Variants in CACNA1B observed in about 807,000 individuals in gnomAD.
CACNA1B encodes the protein voltage-dependent N-type calcium channel subunit alpha-1B.
Under a neutral mutation model 247.2 loss-of-function variants are expected in CACNA1B, and 70 were observed. The ratio of observed to expected loss-of-function variants is 0.28; its 90% CI spans 0.23 to 0.35. The LOEUF (loss-of-function observed/expected upper bound fraction) is 0.35. CACNA1B is among the 10% of genes least tolerant of loss of function. CACNA1B has a pLI of 1.00. For missense variants in CACNA1B, 2,367 were observed against 3,197.4 expected (o/e 0.74, Z 6.26); for synonymous variants, 1,231 against 1,294.4 (o/e 0.95, Z 1.05).
At chr9:138,068,829 C>G (rs938085742) in intron 31 of CACNA1B, among the ~76,000 whole-genome samples, 2 of 152,194 alleles carry the variant, frequency 1.3e-5, no homozygotes, top group Non-Finnish European at 2.9e-5. Flanking sequence ...AGGGAAACCT[C>G]CCCACACCCC....
intron 11 of CACNA1B, among the ~76,000 whole-genome samples, chr9:137,972,639 C>A (rs1322349978): frequency 6.6e-6 from 1 of 152,184 alleles, no homozygotes; most frequent in East Asian, 1.9e-4. Context: ...GTTCCCTGAG[C>A]TGCAGGATCT....
At chr9:138,101,415 A>C (rs558532746) in intron 37 of CACNA1B, among the ~76,000 whole-genome samples, 1 of 152,312 alleles carries the variant, frequency 6.6e-6, no homozygotes, top group East Asian at 1.9e-4. Context: ...GTGCACAGAA[A>C]GCTTTCTGGT....
intron 37 of CACNA1B, among the ~76,000 whole-genome samples, chr9:138,097,018 A>G (rs1961078579): frequency 6.6e-6 from 1 of 151,646 alleles, no homozygotes; most frequent in Non-Finnish European, 1.5e-5. Context: ...CAGCACAGCC[A>G]TAGCGTCCTT....
rs978593379 is a variant in CACNA1B at position 137,907,319 on chromosome 9, A to T, written c.531-5861A>T. On this transcript the variant is annotated intron_variant, in intron 3 of 46. Transcript: ENST00000371372. ...ATTTTTCTGTCTTCTTGTGAAAGGC[A>T]TTTTTATTTTCCTTTCTTACTATTA... 2.6e-5 allele frequency among the ~76,000 whole-genome samples: 4 copies of T among 152,124 alleles called. No homozygotes were observed. The East Asian group carries it at 7.7e-4, about 29-fold the overall frequency.
intron 36 of CACNA1B, among the ~76,000 whole-genome samples, chr9:138,087,384 C>CAAAA (rs58566171): frequency 5.7e-5 from 3 of 52,662 alleles, no homozygotes; most frequent in African/African-American, 1.9e-4. Flanking sequence ...GACTCTGTCT[C>CAAAA]AAAAAAAAAA....
chr9:137,906,231 C>T (rs779079390), intron 3 of CACNA1B, among the ~76,000 whole-genome samples: 44 of 152,180 alleles, frequency 2.9e-4, no homozygotes, highest in Admixed American at 3.3e-4. Flanking sequence ...TGTTAAAATG[C>T]GTTTCTGTCT....
Position 138,052,638 on chromosome 9 carries a change from G to T in CACNA1B, c.3807+450G>T, listed in dbSNP as rs890047135. On this transcript the variant is annotated intron_variant, in intron 25 of 46. Coordinates refer to ENST00000371372, the MANE Select transcript of CACNA1B (RefSeq NM_000718.4). The surrounding 1 kb of genome is among the most constrained non-coding windows in gnomAD (Gnocchi z 5.1). Reference sequence around the variant, plus strand: ...TGTGAGCTTGTGCTAGGCCCTGTGCGAATTGCTTCATGTGCTTCAGCTCAC... The same window carrying T: ...TGTGAGCTTGTGCTAGGCCCTGTGCTAATTGCTTCATGTGCTTCAGCTCAC... Among the ~76,000 whole-genome samples, 6 of 152,348 alleles carry T rather than the reference G, an allele frequency of 3.9e-5. No individual in the cohort carries two copies. In the East Asian group the frequency reaches 1.2e-3, roughly 29 times the overall value.
chr9:138,114,725 C>G (rs1961794717), intron 41 of CACNA1B, among the ~76,000 whole-genome samples: 1 of 152,156 alleles, frequency 6.6e-6, no homozygotes, highest in South Asian at 2.1e-4. Flanking sequence ...AAAGTCAGCA[C>G]TCAGGGCCAG....
intron 21 of CACNA1B, among the ~76,000 whole-genome samples, chr9:138,045,270 C>T (rs926955576): frequency 6.6e-6 from 1 of 152,084 alleles, no homozygotes; most frequent in East Asian, 1.9e-4. Context: ...CCGGAGCACA[C>T]TGAGAAGCGT....
intron 6 of CACNA1B, among the ~76,000 whole-genome samples, chr9:137,935,100 A>C (rs935516622): frequency 9.2e-5 from 14 of 152,160 alleles, no homozygotes; most frequent in Admixed American, 5.9e-4. Flanking sequence ...TGAGGGGATA[A>C]ATTTTCTTTT....
At position 138,121,912 on chromosome 9, in the gene CACNA1B, C is replaced by T. The variant is rs1381794755; in HGVS notation, c.6933C>T (p.Pro2311=). The change falls in exon 47 of 47, where the codon CCC becomes CCT. Residue 2311 remains proline (P), a synonymous_variant. Coordinates refer to ENST00000371372, the MANE Select transcript of CACNA1B (RefSeq NM_000718.4). The surrounding 1 kb of genome is among the most constrained non-coding windows in gnomAD (Gnocchi z 6.8). ...AGTCTCACCCTCTCCGCCGCGTGCC[C>T]AACGGTTACCACTGCACCCTGGGAC... ...TSQSHPLRRV[P]NGYHCTLGLS... is the part of the protein sequence containing the mutation. 1 of 1,611,198 alleles carries T rather than the reference C, an allele frequency of 6.2e-7. No individual in the cohort carries two copies. Among genetic ancestry groups the T allele is most frequent in the East Asian group, 2.2e-5 (1 of 44,870 alleles).
intron 36 of CACNA1B, among the ~76,000 whole-genome samples, chr9:138,084,808 C>A (rs144458823): frequency 4.6e-5 from 7 of 150,680 alleles, no homozygotes; most frequent in Non-Finnish European, 1.0e-4. Context: ...AAAAATTAGC[C>A]GGGCGCGGTG....
Position 137,955,622 on chromosome 9 carries a change from C to T in CACNA1B, c.1071-76C>T. On this transcript the variant is annotated intron_variant, in intron 7 of 46. Coordinates refer to ENST00000371372, the MANE Select transcript of CACNA1B (RefSeq NM_000718.4). The surrounding 1 kb of genome is among the most constrained non-coding windows in gnomAD (Gnocchi z 6.9). ...TCTCCTGTCCCAGGCTTTCCCTGGT[C>T]CTTTTTGTCTCTGGGGCTGCACACC... 1.0e-6 allele frequency: 1 copy of T among 973,838 alleles called. No individual in the cohort carries two copies. Among genetic ancestry groups the T allele is most frequent in the East Asian group, 2.6e-5 (1 of 38,494 alleles). The allele number at this position is 973,838 out of a possible 1,614,324, so 60.3% of individuals were successfully genotyped here.
intron 6 of CACNA1B, among the ~76,000 whole-genome samples, chr9:137,925,064 G>A (rs1376841701): frequency 6.6e-6 from 1 of 152,240 alleles, no homozygotes; most frequent in Non-Finnish European, 1.5e-5. Flanking sequence ...GCATTGCAGT[G>A]TTGGGAGCCC....
chr9:137,988,954 G>A (rs1044326383), intron 15 of CACNA1B, among the ~76,000 whole-genome samples: 3 of 152,218 alleles, frequency 2.0e-5, no homozygotes, highest in African/African-American at 7.2e-5. Context: ...TCTGAATGGG[G>A]TTGGGAGTGG....
intron 6 of CACNA1B, among the ~76,000 whole-genome samples, chr9:137,942,003 C>G (rs1957737618): frequency 6.6e-6 from 1 of 152,158 alleles, no homozygotes; most frequent in Admixed American, 6.5e-5. Flanking sequence ...AATCAAAGAA[C>G]TTTTGCACAG....
At chr9:138,038,496 C>T (rs1589084753) in intron 20 of CACNA1B, among the ~76,000 whole-genome samples, 1 of 152,248 alleles carries the variant, frequency 6.6e-6, no homozygotes, top group South Asian at 2.1e-4. Context: ...AGAGACTTCC[C>T]TTGGACTACA....
Position 137,975,901 on chromosome 9 carries a change from T to C in CACNA1B, c.1544-6T>C, listed in dbSNP as rs1958214451. On this transcript the variant is annotated splice_region_variant and splice_polypyrimidine_tract_variant and intron_variant, in intron 11 of 46. Coordinates refer to ENST00000371372, the MANE Select transcript of CACNA1B (RefSeq NM_000718.4). ...GCTAATCCCCCTCTTCTCCGGCTTC[T>C]CCTAGATTTTGCAGAGTTTGTTTTC... 6 of 1,577,950 alleles carry C rather than the reference T, an allele frequency of 3.8e-6. No individual in the cohort carries two copies. Among genetic ancestry groups the C allele is most frequent in the Non-Finnish European group, 5.2e-6 (6 of 1,147,714 alleles).
chr9:138,015,037 C>T (rs570993221), intron 18 of CACNA1B, among the ~76,000 whole-genome samples: 9 of 152,276 alleles, frequency 5.9e-5, no homozygotes, highest in East Asian at 5.8e-4. Context: ...GATTCCTACG[C>T]GAGGAAAGAG....
Sources: gnomAD v4.1 joint callset for allele counts (sites outside exome capture counted in the v4.1 genomes callset) on GRCh38, gnomAD v4.1.1 for gene constraint, Gnocchi (gnomAD v3.1) non-coding constraint, MANE v1.5 for transcripts, NCBI Gene and HGNC (gene_info 2026-07-23, HGNC 2026-07-21) for gene names.